Variants in ARMC2 observed in about 807,000 individuals in gnomAD.
The protein encoded by ARMC2 is armadillo repeat containing 2, also known as armadillo repeat-containing protein 2.
In ARMC2, 67 loss-of-function variants were observed where a neutral mutation model predicts 90.3. The observed-to-expected ratio is 0.74, with a 90% CI of 0.61 to 0.91. The LOEUF (loss-of-function observed/expected upper bound fraction) is 0.91, where lower values mean the gene tolerates loss of function less well. Among genes scored for constraint, ARMC2 ranks in the 40% least tolerant of loss-of-function variants. ARMC2 has a pLI of 0.00. For synonymous variants in ARMC2, 393 were observed against 393.0 expected (o/e 1.00, Z 0.00); for missense variants, 920 against 1,030.9 (o/e 0.89, Z 1.47).
chr6:108,876,423 T>C (rs1459975317), intron 5 of ARMC2, 73 bp downstream of exon 5: 1 of 1,452,178 alleles, frequency 6.9e-7, no homozygotes, highest in African/African-American at 1.4e-5. Flanking sequence ...CTATTTTATA[T>C]AGATGATTGG....
rs191505624 is a variant in ARMC2, at chr6:108,908,229, G to A, written c.1024-2670G>A. On this transcript the variant is annotated intron_variant, in intron 8 of 17. Coordinates refer to ENST00000392644, the MANE Select transcript of ARMC2 (RefSeq NM_032131.6). ...TATCTGAGGCACGCACTCCTCAAGT[G>A]CAAAGTGTGAACGACAACACCAAAT... Among the ~76,000 whole-genome samples, 6 of 152,314 alleles carry A rather than the reference G, an allele frequency of 3.9e-5. No individual in the cohort carries two copies. In the East Asian group the frequency reaches 5.8e-4, roughly 15 times the overall value.
chr6:109,052,376 T>C, the ARMC2 span, among the ~76,000 whole-genome samples: 4 of 152,188 alleles, frequency 2.6e-5, no homozygotes, highest in African/African-American at 9.6e-5. Context: ...TATATAAGCA[T>C]AGACACAAAA....
chr6:108,964,867 G>C (rs1375844363), intron 16 of ARMC2, 113 bp from the exon 17 acceptor site: 3 of 780,290 alleles, frequency 3.8e-6, no homozygotes, highest in Non-Finnish European at 6.1e-6. Flanking sequence ...TATTTTAAGT[G>C]ATCACTGGAT....
chr6:108,995,234 G>T, the ARMC2 span, among the ~76,000 whole-genome samples: 2 of 152,096 alleles, frequency 1.3e-5, no homozygotes, highest in Non-Finnish European at 2.9e-5. Flanking sequence ...GCAGAACTGC[G>T]TAAGATAACT....
chr6:108,956,761 G>A (rs956974130), intron 13 of ARMC2, among the ~76,000 whole-genome samples: 17 of 152,234 alleles, frequency 1.1e-4, no homozygotes, highest in Non-Finnish European at 2.2e-4. Context: ...GGAGGCTGAG[G>A]TGGGCAGATC....
the ARMC2 span, among the ~76,000 whole-genome samples, chr6:109,025,745 G>C: frequency 2.6e-5 from 4 of 151,890 alleles, no homozygotes; most frequent in African/African-American, 9.7e-5. Flanking sequence ...TAGTAAACTA[G>C]AAAGTAAATC....
At chr6:108,898,419 G>A (rs1771814381) in intron 6 of ARMC2, among the ~76,000 whole-genome samples, 1 of 152,188 alleles carries the variant, frequency 6.6e-6, no homozygotes, top group Non-Finnish European at 1.5e-5. Flanking sequence ...AGAGGGCATG[G>A]ACTCCCTGAC....
intron 3 of ARMC2, 70 bp from the exon 4 acceptor site, chr6:108,868,754 C>A: frequency 6.8e-7 from 1 of 1,465,632 alleles, no homozygotes; most frequent in Non-Finnish European, 9.3e-7. Flanking sequence ...AGGGTTGTGG[C>A]CAGCTCTGAG....
the ARMC2 span, among the ~76,000 whole-genome samples, chr6:109,027,031 A>G: frequency 6.6e-6 from 1 of 152,096 alleles, no homozygotes. Context: ...TTAGCTGGAC[A>G]TGGCACCACA....
intron 11 of ARMC2, among the ~76,000 whole-genome samples, chr6:108,932,206 A>G (rs1052731831): frequency 3.3e-5 from 5 of 151,846 alleles, no homozygotes; most frequent in Non-Finnish European, 5.9e-5. Context: ...TACTCTGTTG[A>G]TAGTTTCTTT....
At chr6:108,852,721 T>G (rs1222328136) in intron 1 of ARMC2, among the ~76,000 whole-genome samples, 1 of 152,198 alleles carries the variant, frequency 6.6e-6, no homozygotes. Flanking sequence ...TAGTGCCATG[T>G]GAGGCCAAAG....
chr6:108,923,418 A>T (rs1018231843), intron 10 of ARMC2, among the ~76,000 whole-genome samples: 15 of 151,010 alleles, frequency 9.9e-5, no homozygotes, highest in Non-Finnish European at 2.1e-4. Flanking sequence ...GGAAATAAAG[A>T]CCCTGCTGTA....
At chr6:109,005,318 A>G in the ARMC2 span, among the ~76,000 whole-genome samples, 1 of 152,300 alleles carries the variant, frequency 6.6e-6, no homozygotes, top group African/African-American at 2.4e-5. Context: ...AGGGGAGGAG[A>G]AGCAAAGTGC....
At chr6:108,935,017 TTTAG>T (rs1775844697) in intron 11 of ARMC2, among the ~76,000 whole-genome samples, 1 of 151,240 alleles carries the variant, frequency 6.6e-6, no homozygotes, top group Admixed American at 6.6e-5. Flanking sequence ...CATAGAGAAG[TTTAG>T]TTATTTTCCC....
intron 5 of ARMC2, among the ~76,000 whole-genome samples, chr6:108,879,179 C>CCCACCTAT (rs1379575941): frequency 9.9e-4 from 148 of 150,128 alleles, no homozygotes; most frequent in African/African-American, 3.5e-3. Context: ...CACCCATCCA[C>CCCACCTAT]CCACCTATCC....
chr6:109,027,317 A>G, the ARMC2 span, among the ~76,000 whole-genome samples: 1 of 151,796 alleles, frequency 6.6e-6, no homozygotes, highest in African/African-American at 2.4e-5. Flanking sequence ...TACTAAAAAT[A>G]TAAAAAAAAT....
intron 10 of ARMC2, chr6:108,924,119 G>C (rs991207942): frequency 1.3e-5 from 2 of 152,462 alleles, no homozygotes; most frequent in Non-Finnish European, 2.9e-5. Flanking sequence ...GGGTTGTAGA[G>C]GCAGGAACAG....
downstream of ARMC2, among the ~76,000 whole-genome samples, chr6:108,976,818 T>A (rs1383083304): frequency 5.3e-5 from 8 of 152,238 alleles, no homozygotes; most frequent in Non-Finnish European, 1.2e-4. Flanking sequence ...GCTATTAGTT[T>A]ATAAGAATGC....
In ARMC2 at chr6:108,910,887, C is replaced by G; in HGVS notation, c.1024-12C>G. The G allele has an allele frequency of 7.2e-7, 1 of 1,397,148 alleles. No individual in the cohort carries two copies. Among genetic ancestry groups the G allele is most frequent in the Non-Finnish European group, 9.8e-7 (1 of 1,022,698 alleles). 86.5% of individuals were successfully genotyped at this position (1,397,148 alleles called of 1,614,324 possible). ...TTCCTTCTGCAATAGAGATGTGTTT[C>G]TTTCTCTGCAGCTTAAAGTGAGTAG... On this transcript the variant is annotated splice_polypyrimidine_tract_variant and intron_variant, in intron 8 of 17. Coordinates refer to ENST00000392644, the MANE Select transcript of ARMC2 (RefSeq NM_032131.6).
Sources: allele counts gnomAD v4.1 joint callset (sites outside exome capture counted in the v4.1 genomes callset), GRCh38; gene constraint gnomAD v4.1.1; transcripts MANE v1.5; gene names NCBI Gene and HGNC (gene_info 2026-07-23, HGNC 2026-07-21).